KDM5A: variants seen among roughly 807,000 people sequenced by gnomAD.
The protein encoded by KDM5A is lysine-specific demethylase 5A.
KDM5A carries 42 observed loss-of-function variants against 193.5 expected under a neutral mutation model. The ratio of observed to expected loss-of-function variants is 0.22; its 90% confidence interval spans 0.17 to 0.28. The LOEUF (loss-of-function observed/expected upper bound fraction) is 0.28, where lower values mean the gene tolerates loss of function less well. Among genes scored for constraint, KDM5A ranks in the 10% least tolerant of loss-of-function variants. The pLI is 1.00. For missense variants in KDM5A, 1,692 were observed against 2,055.1 expected (o/e 0.82, Z 3.42); for synonymous variants, 796 against 718.1 (o/e 1.11, Z -1.73).
At chr12:387,226 CAAAAA>C in intron 1 of KDM5A, 1 of 295,910 alleles carries the variant, frequency 3.4e-6, no homozygotes, top group Non-Finnish European at 6.3e-6. Context: ...GTTGAGTAGT[CAAAAA>C]AAAAAAAAAG....
intron 2 of KDM5A, among the ~76,000 whole-genome samples, chr12:385,539 A>C (rs1944629097): frequency 6.6e-6 from 1 of 152,148 alleles, no homozygotes. Context: ...CAAACTCTGA[A>C]AACTAGGGTT....
intron 11 of KDM5A, among the ~76,000 whole-genome samples, chr12:333,924 A>G (rs1314075066): frequency 6.6e-6 from 1 of 152,198 alleles, no homozygotes; most frequent in Non-Finnish European, 1.5e-5. Flanking sequence ...AAACACCTTC[A>G]AACGGGAAAG....
intron 9 of KDM5A, among the ~76,000 whole-genome samples, chr12:351,076 G>C (rs1944151936): frequency 1.3e-5 from 2 of 152,172 alleles, no homozygotes; most frequent in Admixed American, 1.3e-4. Context: ...AATGTAAACA[G>C]CAAGATTAAA....
chr12:326,289 C>T (rs1275964508), intron 14 of KDM5A, among the ~76,000 whole-genome samples: 5 of 152,178 alleles, frequency 3.3e-5, no homozygotes, highest in Middle Eastern at 3.4e-3. Context: ...TAGGAGGAAA[C>T]TATAAGAAGT....
chr12:307,966 C>A lies in KDM5A; in HGVS notation c.3418G>T (p.Ala1140Ser). 1 of 1,614,152 alleles carries A rather than the reference C, an allele frequency of 6.2e-7. No homozygotes were observed. Among genetic ancestry groups the A allele is most frequent in the Non-Finnish European group, 8.5e-7 (1 of 1,180,020 alleles). Residue 1140 changes from alanine to serine, a missense_variant, in exon 23 of 28, where the codon GCC becomes TCC. Around this residue, in one of 11 missense-constraint regions of KDM5A, gnomAD observed 965 missense variants for 1,061.0 expected, o/e 0.91. Coordinates refer to ENST00000399788, the MANE Select transcript of KDM5A (RefSeq NM_001042603.3). This position sits in a 1 kb window ranked among gnomAD's most constrained non-coding sequence, Gnocchi z 4.3. The stretch of plus-strand genomic sequence containing the variant: ...TTGGCTGCTCTGAGAGAATGCATGG[C>A]TTCAATCTCTTTTTGCTCCCGTTCT... ...FKEREQKEIE[A>S]MHSLRAANLA...
intron 18 of KDM5A, among the ~76,000 whole-genome samples, chr12:319,465 T>A (rs1943690038): frequency 6.6e-6 from 1 of 152,200 alleles, no homozygotes; most frequent in Non-Finnish European, 1.5e-5. Flanking sequence ...TTCACTTGGT[T>A]CATTAAAAGG....
Position 307,592 on chromosome 12 carries a change from T to C in KDM5A, c.3792A>G (p.Leu1264=). 1 of 1,614,162 alleles carries C rather than the reference T, an allele frequency of 6.2e-7. No individual in the cohort carries two copies. The highest frequency in any genetic ancestry group is 1.1e-5 in the South Asian group (1 of 91,078). The change falls in exon 23 of 28, where the codon CTA becomes CTG. Residue 1264 remains leucine, a synonymous_variant. Coordinates refer to ENST00000399788, the MANE Select transcript of KDM5A (RefSeq NM_001042603.3). The surrounding 1 kb of genome is among the most constrained non-coding windows in gnomAD (Gnocchi z 4.3). Reference sequence around the variant, plus strand: ...GGGCAGAGGATAGTTCATCTGTGGCTAGAGCCTGCCGCGCTCTATCTTGCC... The same window carrying C: ...GGGCAGAGGATAGTTCATCTGTGGCCAGAGCCTGCCGCGCTCTATCTTGCC... The part of the protein sequence containing the change: ...MSWQDRARQA[L]ATDELSSALA...
chr12:347,665 G>A (rs1177338219), intron 10 of KDM5A, among the ~76,000 whole-genome samples: 2 of 152,168 alleles, frequency 1.3e-5, no homozygotes, highest in South Asian at 2.1e-4. Context: ...AATGGGGAAA[G>A]GATTCCCTAT....
chr12:381,355 A>T (rs1944570627), intron 3 of KDM5A, among the ~76,000 whole-genome samples: 2 of 151,494 alleles, frequency 1.3e-5, no homozygotes, highest in South Asian at 4.2e-4. Flanking sequence ...CAGGTGATCC[A>T]TCCGCCTCAG....
At chr12:337,040 C>A (rs979793526) in intron 10 of KDM5A, among the ~76,000 whole-genome samples, 1 of 152,040 alleles carries the variant, frequency 6.6e-6, no homozygotes, top group Non-Finnish European at 1.5e-5. Flanking sequence ...GGAAGGTGAC[C>A]GGATCATGTG....
chr12:382,730 G>C (rs904523683), intron 3 of KDM5A, among the ~76,000 whole-genome samples: 1 of 152,040 alleles, frequency 6.6e-6, no homozygotes, highest in African/African-American at 2.4e-5. Context: ...TCAGAAGTTC[G>C]AGACCAGCCT....
rs74974105 is a variant in KDM5A, at chr12:287,536, A to C, written c.4867-1874T>G. Among the ~76,000 whole-genome samples the C allele has an allele frequency of 1.2e-4, 19 of 152,162 alleles. No homozygotes were observed. In the East Asian group the frequency reaches 3.7e-3, roughly 29 times the overall value. On this transcript the variant is annotated intron_variant, in intron 27 of 27. Coordinates refer to ENST00000399788, the MANE Select transcript of KDM5A (RefSeq NM_001042603.3). ...AGGGGGAAATAATGGCATCTGTGCA[A>C]AATGTAAAAATTAAAGTACTGCAAG...
intron 26 of KDM5A, among the ~76,000 whole-genome samples, chr12:293,755 A>T (rs1591897522): frequency 8.0e-6 from 1 of 124,454 alleles, no homozygotes; most frequent in South Asian, 3.1e-4. Flanking sequence ...CTCCAGCCTG[A>T]GCAACAGAGC....
chr12:368,060 T>G (rs10431355), intron 3 of KDM5A, among the ~76,000 whole-genome samples: 106,990 of 151,982 alleles, frequency 0.7, 37,864 homozygotes, highest in Middle Eastern at 0.78. Flanking sequence ...ATAAACGAAA[T>G]GTAGTATAAT....
intron 1 of KDM5A, chr12:388,561 G>T (rs1380316427): frequency 2.7e-6 from 1 of 371,626 alleles, no homozygotes; most frequent in African/African-American, 2.1e-5. Context: ...ACCAGGTCTT[G>T]AATAAAGAGA....
intron 3 of KDM5A, among the ~76,000 whole-genome samples, chr12:375,576 ATCAAAG>A (rs1944492103): frequency 6.6e-6 from 1 of 152,160 alleles, no homozygotes. Context: ...CTCTCAACTC[ATCAAAG>A]TCATTCTCTG....
In KDM5A at chr12:389,101, CGGGGG is replaced by C. The variant is rs34704738; in HGVS notation, c.-15_-11del. On this transcript the variant is annotated 5_prime_UTR_variant, in exon 1 of 28. Transcript: ENST00000399788. ...GCCCCACGCCCGCCATTGCAACGGC[CGGGGG>C]GGGGGGGGGGTCCCCGTGGGGAACC... 4,029 of 1,289,584 alleles carry C rather than the reference CGGGGG, an allele frequency of 3.1e-3. No individual in the cohort carries two copies. The highest frequency in any genetic ancestry group is 3.7e-3 in the African/African-American group (231 of 62,134). 79.9% of individuals were successfully genotyped at this position (1,289,584 alleles called of 1,614,324 possible). A position where few individuals can be genotyped will look rare whatever the true frequency, so the allele number is the denominator to read the frequency against.
In KDM5A at chr12:389,262, G is replaced by T; in HGVS notation, c.-171C>A. 1.3e-6 allele frequency: 1 copy of T among 747,996 alleles called. No homozygotes were observed. The highest frequency in any genetic ancestry group is 1.5e-5 in the South Asian group (1 of 68,588). The allele number at this position is 747,996 out of a possible 1,614,324, so 46.3% of individuals were successfully genotyped here. ...TCGCTTCCTCCTCCCGTTTGTTATT[G>T]TTTCTTGCAAGGCTTTTCCACTGAG... On this transcript the variant is annotated 5_prime_UTR_variant, in exon 1 of 28. Coordinates refer to ENST00000399788, the MANE Select transcript of KDM5A (RefSeq NM_001042603.3).
chr12:306,997 T>G lies in KDM5A; in HGVS notation c.4023A>C (p.Glu1341Asp). ...GAATGTCTTCATCAGAGTCTGTTTCTTCATCATCATAGTCCATTGTTTGTC... is the reference window on the plus strand; with the variant it reads ...GAATGTCTTCATCAGAGTCTGTTTCGTCATCATCATAGTCCATTGTTTGTC... ...SPRQTMDYDD[E>D]ETDSDEDIRE... The change falls in exon 24 of 28, where the codon GAA becomes GAC. Residue 1341 changes from glutamate to aspartate, a missense_variant. Physicochemically the swap from Glu to Asp is conservative, Grantham distance 45. Coordinates refer to ENST00000399788, the MANE Select transcript of KDM5A (RefSeq NM_001042603.3). 6.2e-7 allele frequency: 1 copy of G among 1,614,090 alleles called. No individual in the cohort carries two copies. Among genetic ancestry groups the G allele is most frequent in the Non-Finnish European group, 8.5e-7 (1 of 1,179,986 alleles).
Sources: gnomAD v4.1 joint callset for allele counts (sites outside exome capture counted in the v4.1 genomes callset) on GRCh38, gnomAD v4.1.1 for gene constraint, gnomAD v4.1.1 regional missense constraint, Gnocchi (gnomAD v3.1) non-coding constraint, MANE v1.5 for transcripts, NCBI Gene and HGNC (gene_info 2026-07-23, HGNC 2026-07-21) for gene names.